Variants in SAFB observed in about 807,000 individuals in gnomAD.
SAFB encodes the protein scaffold attachment factor B1.
Under a neutral mutation model 101.6 loss-of-function variants are expected in SAFB, and 15 were observed. The observed-to-expected ratio is 0.15, with a 90% CI of 0.10 to 0.23. The LOEUF is 0.23. SAFB is among the 10% of genes least tolerant of loss of function. The probability of loss-of-function intolerance (pLI) is 1.00; values close to 1 mark genes in which losing one functional copy is unlikely to be tolerated. For missense variants in SAFB, 930 were observed against 1,104.1 expected, an observed-to-expected ratio of 0.84 and a Z score of 2.23; for synonymous variants, 449 against 407.5, an observed-to-expected ratio of 1.10 and a Z score of -1.23.
intron 13 of SAFB, among the ~76,000 whole-genome samples, chr19:5,655,479 A>AAC (rs1372238476): frequency 2.0e-5 from 3 of 149,870 alleles, no homozygotes; most frequent in Non-Finnish European, 3.0e-5. Context: ...AAAAAAAAAA[A>AAC]ACACACACCT....
At chr19:5,638,033 C>A (rs1322963305) in intron 2 of SAFB, among the ~76,000 whole-genome samples, 1 of 152,206 alleles carries the variant, frequency 6.6e-6, no homozygotes, top group African/African-American at 2.4e-5. Flanking sequence ...TTTCTGGTAT[C>A]ATCGTTTACA....
chr19:5,650,858 C>G, intron 8 of SAFB, 120 bp from the exon 9 acceptor site: 1 of 659,966 alleles, frequency 1.5e-6, no homozygotes, highest in Non-Finnish European at 2.7e-6. Context: ...CCCCATTTGG[C>G]TTTTAGTGCT....
chr19:5,663,163 C>T (rs554823711), intron 15 of SAFB, among the ~76,000 whole-genome samples: 2 of 151,946 alleles, frequency 1.3e-5, no homozygotes, highest in East Asian at 1.9e-4. Context: ...CTACCACACC[C>T]GGCTAATTTT....
intron 5 of SAFB, among the ~76,000 whole-genome samples, chr19:5,646,261 C>T (rs998549157): frequency 6.6e-6 from 1 of 152,146 alleles, no homozygotes; most frequent in African/African-American, 2.4e-5. Context: ...TCTCCATTTG[C>T]TTCTGCCATG....
intron 1 of SAFB, among the ~76,000 whole-genome samples, chr19:5,624,914 G>GCCTC (rs2053322570): frequency 6.6e-6 from 1 of 152,144 alleles, no homozygotes; most frequent in Non-Finnish European, 1.5e-5. Flanking sequence ...CGCCACCAGG[G>GCCTC]CCTCCCATCA....
chr19:5,629,786 A>G (rs2053449473), intron 2 of SAFB, among the ~76,000 whole-genome samples: 1 of 152,218 alleles, frequency 6.6e-6, no homozygotes, highest in African/African-American at 2.4e-5. Flanking sequence ...GGCCAAGTTC[A>G]GTGGCTCACG....
chr19:5,629,934 C>G (rs1349366377), intron 2 of SAFB, among the ~76,000 whole-genome samples: 1 of 152,104 alleles, frequency 6.6e-6, no homozygotes, highest in Non-Finnish European at 1.5e-5. Context: ...CCAAGCTACT[C>G]AGGTGGCTAA....
At chr19:5,657,176 A>G in intron 13 of SAFB, 65 bp from the exon 14 acceptor site, 1 of 1,203,644 alleles carries the variant, frequency 8.3e-7, no homozygotes, top group South Asian at 1.3e-5. Flanking sequence ...AAGTGCTTGG[A>G]TTACAGGCAT....
At chr19:5,637,269 G>A (rs1418127334) in intron 2 of SAFB, among the ~76,000 whole-genome samples, 11 of 149,494 alleles carry the variant, frequency 7.4e-5, no homozygotes, top group African/African-American at 1.7e-4. Flanking sequence ...GCGTGAACCC[G>A]GGAGGTGGAG....
rs115117712 is a variant in SAFB, at chr19:5,638,071, T to C, written c.275-3523T>C. Among the ~76,000 whole-genome samples the C allele has an allele frequency of 2.2e-3, 337 of 152,350 alleles. 2 individuals carry two copies. The highest frequency in any genetic ancestry group is 7.8e-3 in the African/African-American group (325 of 41,584). ...TTTCTATTCTCTACTCATTTTATCA[T>C]TTGTATGAAAAAGCAAATGACTATA... On this transcript the variant is annotated intron_variant, in intron 2 of 20. Coordinates refer to ENST00000588852, the MANE Select transcript of SAFB (RefSeq NM_001201338.2).
rs893870280 is a variant in SAFB, at chr19:5,623,520, G to A, written c.189+126G>A. 4.4e-5 allele frequency: 32 copies of A among 733,144 alleles called. No individual in the cohort carries two copies. The South Asian group carries it at 6.4e-4, about 15-fold the overall frequency. The allele number at this position is 733,144 out of a possible 1,614,324, so 45.4% of individuals were successfully genotyped here. On this transcript the variant is annotated intron_variant, in intron 1 of 20. Transcript: ENST00000588852. ...CGGCCTCGCCGGACCTGGCGCTCTC[G>A]CGTCCCCCGGCTCCTCCGAGGCCCC...
At chr19:5,629,181 C>A (rs769978203) in intron 2 of SAFB, among the ~76,000 whole-genome samples, 3 of 152,206 alleles carry the variant, frequency 2.0e-5, no homozygotes, top group Non-Finnish European at 2.9e-5. Context: ...GCATACTTCT[C>A]CAGACTGTGT....
chr19:5,640,269 TG>T (rs2053677903), intron 2 of SAFB, among the ~76,000 whole-genome samples: 1 of 152,046 alleles, frequency 6.6e-6, no homozygotes. Context: ...GATAAATTCG[TG>T]TTAAAACAGT....
chr19:5,653,529 T>G (rs1287966902), intron 11 of SAFB, 109 bp downstream of exon 11: 1 of 906,378 alleles, frequency 1.1e-6, no homozygotes, highest in Non-Finnish European at 1.7e-6. Flanking sequence ...TGCAGTGGTG[T>G]GATCTCGGCT....
At position 5,663,421 on chromosome 19, in the gene SAFB, C is replaced by T. The variant is rs1032028403; in HGVS notation, c.2154-601C>T. On this transcript the variant is annotated intron_variant, in intron 15 of 20. Transcript: ENST00000588852. ...AGCAGTGATTGTGTCAGGCTTTACA[C>T]GTGCACTGCAACCTGGCAAAAATTG... 2.6e-5 allele frequency among the ~76,000 whole-genome samples: 4 copies of T among 152,218 alleles called. No individual in the cohort carries two copies. In the South Asian group the frequency reaches 6.2e-4, roughly 24 times the overall value.
intron 16 of SAFB, 102 bp from the exon 17 acceptor site, chr19:5,664,295 T>G: frequency 6.9e-7 from 1 of 1,440,098 alleles, no homozygotes; most frequent in Admixed American, 1.7e-5. Context: ...GTCTCCTGCC[T>G]TCAGTTAGGG....
intron 20 of SAFB, 120 bp downstream of exon 20, chr19:5,668,006 C>A: frequency 1.4e-6 from 2 of 1,418,260 alleles, no homozygotes; most frequent in East Asian, 2.3e-5. Flanking sequence ...GACGTGAGGC[C>A]AGGCATGGGG....
Position 5,661,659 on chromosome 19 carries a change from G to C in SAFB, c.2004G>C (p.Arg668=), listed in dbSNP as rs754132340. 2 of 1,611,532 alleles carry C rather than the reference G, an allele frequency of 1.2e-6. No individual in the cohort carries two copies. Among genetic ancestry groups the C allele is most frequent in the African/African-American group, 2.7e-5 (2 of 74,908 alleles). Residue 668 remains arginine (R), a synonymous_variant, in exon 15 of 21, where the codon CGG becomes CGC. Transcript: ENST00000588852. ...AGCGGGAGCGCATGGAGCGGGAACG[G>C]CTGGAGCGCGAACGCATGCACGTGG... ...RLERERMERE[R]LERERMHVEH...
chr19:5,629,203 A>G (rs1416459495), intron 2 of SAFB, among the ~76,000 whole-genome samples: 1 of 152,198 alleles, frequency 6.6e-6, no homozygotes. Flanking sequence ...TGTATGTACA[A>G]TGTTTAAAAG....
Sources: allele counts gnomAD v4.1 joint callset (sites outside exome capture counted in the v4.1 genomes callset), GRCh38; gene constraint gnomAD v4.1.1; transcripts MANE v1.5; gene names NCBI Gene and HGNC (gene_info 2026-07-23, HGNC 2026-07-21).